UNC13C: variants seen among roughly 807,000 people sequenced by gnomAD.
The protein encoded by UNC13C is protein unc-13 homolog C.
In UNC13C, 174 loss-of-function variants were observed where a neutral mutation model predicts 245.4. That is an observed-to-expected ratio of 0.71 (90% CI 0.63 to 0.80). The LOEUF (loss-of-function observed/expected upper bound fraction) is 0.80, where lower values mean the gene tolerates loss of function less well. UNC13C is among the 30% of genes least tolerant of loss of function. The pLI, the probability that UNC13C is intolerant of heterozygous loss-of-function variation, is 0.00. For missense variants in UNC13C, 2,829 were observed against 2,602.9 expected (o/e 1.09, Z -1.89); for synonymous variants, 992 against 895.1 (o/e 1.11, Z -1.93).
Position 54,015,817 on chromosome 15 carries a change from T to G in UNC13C, c.2914T>G (p.Phe972Val). 3.7e-6 allele frequency: 6 copies of G among 1,611,306 alleles called. No homozygotes were observed. The highest frequency in any genetic ancestry group is 5.1e-6 in the Non-Finnish European group (6 of 1,178,672). Residue 972 changes from phenylalanine (F) to valine (V), a missense_variant, in exon 2 of 33, where the codon TTC becomes GTC. Transcript: ENST00000260323. ...AAAGCCAAAGAGAATTCGTCCTTCT[T>G]TCAAAGAAGCAGCTTTAAGGGCCTA... ...ITKPKRIRPS[F>V]KEAALRAYKK...
At chr15:54,064,642 C>T (rs144654402) in intron 2 of UNC13C, among the ~76,000 whole-genome samples, 477 of 152,254 alleles carry the variant, frequency 3.1e-3, no homozygotes, top group Non-Finnish European at 5.2e-3. Flanking sequence ...CACTTCCCTC[C>T]CCAGTTTCCG....
At chr15:53,977,191 T>A (rs1336326802), upstream of UNC13C, among the ~76,000 whole-genome samples, 3 of 152,186 alleles carry the variant, frequency 2.0e-5, no homozygotes, top group African/African-American at 7.2e-5. Context: ...AAGGTGGGGC[T>A]GATAGCTGGG....
intron 4 of UNC13C, among the ~76,000 whole-genome samples, chr15:54,157,534 G>C (rs1567056307): frequency 6.6e-6 from 1 of 152,090 alleles, no homozygotes; most frequent in Non-Finnish European, 1.5e-5. Flanking sequence ...GAGTTTCTTA[G>C]GTTGCAGTAG....
rs183038472 is a variant in UNC13C at position 54,376,451 on chromosome 15, A to G, written c.4714-16597A>G. Among the ~76,000 whole-genome samples, 16 of 152,318 alleles carry G rather than the reference A, an allele frequency of 1.1e-4. 1 individual carries two copies. Among genetic ancestry groups the G allele is most frequent in the Admixed American group, 9.8e-4 (15 of 15,296 alleles). On this transcript the variant is annotated intron_variant, in intron 17 of 32. Transcript: ENST00000260323. ...AAATTTTATAAAGAACAATGGAATT[A>G]TGTTATTACAGATAAAACTAGCTGC...
Position 54,060,591 on chromosome 15 carries a change from C to T in UNC13C, c.2983+44705C>T, listed in dbSNP as rs1897771983. Among the ~76,000 whole-genome samples, 7 of 152,162 alleles carry T rather than the reference C, an allele frequency of 4.6e-5. No individual in the cohort carries two copies. The South Asian group carries it at 1.5e-3, about 32-fold the overall frequency. The stretch of plus-strand genomic sequence containing the variant: ...CTCAGGGATCTAGAACTAGAAATAC[C>T]ATTTGACCCAGCCATCCCATTACTG... On this transcript the variant is annotated intron_variant, in intron 2 of 32. Coordinates refer to ENST00000260323, the MANE Select transcript of UNC13C (RefSeq NM_001080534.3).
intron 2 of UNC13C, among the ~76,000 whole-genome samples, chr15:54,095,559 C>T (rs955326051): frequency 1.3e-5 from 2 of 152,142 alleles, no homozygotes; most frequent in African/African-American, 4.8e-5. Flanking sequence ...GGTCTTAGTA[C>T]CAGCAGCAGC....
intron 2 of UNC13C, among the ~76,000 whole-genome samples, chr15:54,052,865 AG>A (rs1897331499): frequency 6.6e-6 from 1 of 152,254 alleles, no homozygotes; most frequent in African/African-American, 2.4e-5. Flanking sequence ...AATAGTACTC[AG>A]TGATGTGGTT....
At chr15:54,090,282 T>C (rs1182473050) in intron 2 of UNC13C, among the ~76,000 whole-genome samples, 2 of 143,648 alleles carry the variant, frequency 1.4e-5, no homozygotes, top group African/African-American at 2.5e-5. Flanking sequence ...GTTATGACTC[T>C]GTTGTTACTA....
intron 30 of UNC13C, among the ~76,000 whole-genome samples, chr15:54,621,833 T>C (rs1876057291): frequency 6.6e-6 from 1 of 152,152 alleles, no homozygotes; most frequent in Admixed American, 6.5e-5. Flanking sequence ...TAAAATGCTA[T>C]CGGTACACCT....
At chr15:53,883,814 C>T in the UNC13C span, among the ~76,000 whole-genome samples, 6 of 152,124 alleles carry the variant, frequency 3.9e-5, no homozygotes, top group African/African-American at 1.4e-4. Flanking sequence ...TGAGTTTTTT[C>T]TTTCAAAATA....
At position 54,063,858 on chromosome 15, in the gene UNC13C, A is replaced by G. The variant is rs995914559; in HGVS notation, c.2983+47972A>G. 5.3e-5 allele frequency among the ~76,000 whole-genome samples: 8 copies of G among 152,264 alleles called. No homozygotes were observed. In the East Asian group the frequency reaches 1.5e-3, roughly 29 times the overall value. On this transcript the variant is annotated intron_variant, in intron 2 of 32. Coordinates refer to ENST00000260323, the MANE Select transcript of UNC13C (RefSeq NM_001080534.3). ...CTTAGAGAGTCTGTCATTGAGAAGGAGGGGAAAGGGCCATTAGACAAATCT... is the reference window on the plus strand; with the variant it reads ...CTTAGAGAGTCTGTCATTGAGAAGGGGGGGAAAGGGCCATTAGACAAATCT...
intron 19 of UNC13C, among the ~76,000 whole-genome samples, chr15:54,428,513 T>C (rs772594335): frequency 2.6e-5 from 4 of 151,514 alleles, no homozygotes; most frequent in Non-Finnish European, 4.4e-5. Flanking sequence ...CTTTATAAAA[T>C]AGGAAAGTAG....
chr15:54,464,295 T>A (rs1426474275), intron 19 of UNC13C, among the ~76,000 whole-genome samples: 1 of 152,164 alleles, frequency 6.6e-6, no homozygotes, highest in African/African-American at 2.4e-5. Flanking sequence ...TTGTCAGTTT[T>A]TCTGCCAGCA....
chr15:54,609,623 T>G (rs527525702), intron 30 of UNC13C, among the ~76,000 whole-genome samples: 1 of 152,314 alleles, frequency 6.6e-6, no homozygotes, highest in Admixed American at 6.5e-5. Flanking sequence ...GCAAAGCTAA[T>G]ACACTCAGCC....
At chr15:54,544,940 A>G (rs1896418788) in intron 26 of UNC13C, among the ~76,000 whole-genome samples, 1 of 152,244 alleles carries the variant, frequency 6.6e-6, no homozygotes, top group Non-Finnish European at 1.5e-5. Flanking sequence ...ATAATTGGAA[A>G]AAACTACTTT....
At chr15:54,208,697 G>T (rs745990270) in intron 4 of UNC13C, among the ~76,000 whole-genome samples, 12 of 152,078 alleles carry the variant, frequency 7.9e-5, no homozygotes, top group Non-Finnish European at 1.5e-4. Context: ...GTAAATTTTG[G>T]CAGGGAAGGA....
chr15:54,610,555 A>T (rs1379141587), intron 30 of UNC13C, among the ~76,000 whole-genome samples: 7 of 152,318 alleles, frequency 4.6e-5, no homozygotes, highest in Admixed American at 1.3e-4. Context: ...GTTTATAGAA[A>T]TTGCTAGGTA....
chr15:54,081,001 G>A (rs981269733), intron 2 of UNC13C, among the ~76,000 whole-genome samples: 30 of 151,906 alleles, frequency 2.0e-4, no homozygotes, highest in African/African-American at 5.6e-4. Context: ...GTTTTGGTAT[G>A]TTGTGTGTCT....
At chr15:54,143,795 G>T in intron 4 of UNC13C, 111 bp downstream of exon 4, 1 of 677,564 alleles carries the variant, frequency 1.5e-6, no homozygotes, top group Non-Finnish European at 2.4e-6. Context: ...TAGCCTCATT[G>T]TTACTTCATT....
Sources: allele counts gnomAD v4.1 joint callset (sites outside exome capture counted in the v4.1 genomes callset), GRCh38; gene constraint gnomAD v4.1.1; transcripts MANE v1.5; gene names NCBI Gene and HGNC (gene_info 2026-07-23, HGNC 2026-07-21).